Variants in LTBP1 observed in about 807,000 individuals in gnomAD.
The protein encoded by LTBP1 is latent-transforming growth factor beta-binding protein 1.
A neutral mutation model predicts 207.6 loss-of-function variants in LTBP1; 129 were observed. The ratio of observed to expected loss-of-function variants is 0.62; its 90% confidence interval spans 0.54 to 0.72. The LOEUF is 0.72. Ranked by LOEUF, LTBP1 falls within the 30% of genes least tolerant of loss-of-function variation. The pLI, the probability that LTBP1 is intolerant of heterozygous loss-of-function variation, is 0.00. For missense variants in LTBP1, 2,281 were observed against 2,217.2 expected, an observed-to-expected ratio of 1.03 and a Z score of -0.58; for synonymous variants, 963 against 833.7, an observed-to-expected ratio of 1.16 and a Z score of -2.67.
At chr2:33,167,103 A>G (rs889849721) in intron 5 of LTBP1, among the ~76,000 whole-genome samples, 41 of 152,336 alleles carry the variant, frequency 2.7e-4, no homozygotes, top group African/African-American at 9.4e-4. Flanking sequence ...TCCCTGCCTG[A>G]AATTGCATTA....
chr2:33,079,785 T>C (rs17325174), intron 3 of LTBP1, among the ~76,000 whole-genome samples: 5,969 of 152,284 alleles, frequency 0.039, 186 homozygotes, highest in Non-Finnish European at 0.065. Context: ...TTAGGAAACC[T>C]GTCTGTTTTT....
At chr2:33,161,468 C>T (rs1191929530) in intron 5 of LTBP1, among the ~76,000 whole-genome samples, 2 of 152,030 alleles carry the variant, frequency 1.3e-5, no homozygotes, top group East Asian at 1.9e-4. Context: ...GGGGTTTCAC[C>T]GTCTTGGCCA....
intron 3 of LTBP1, among the ~76,000 whole-genome samples, chr2:33,039,703 A>G (rs1306656987): frequency 6.6e-6 from 1 of 152,248 alleles, no homozygotes; most frequent in East Asian, 1.9e-4. Context: ...AGTCAATTAA[A>G]TTAAATTGAG....
intron 3 of LTBP1, among the ~76,000 whole-genome samples, chr2:33,043,518 C>T (rs1558553966): frequency 6.6e-6 from 1 of 152,042 alleles, no homozygotes; most frequent in East Asian, 1.9e-4. Flanking sequence ...ACAGGAGCCA[C>T]GTGCGCAGAC....
At chr2:33,389,396 T>G in intron 32 of LTBP1, 90 bp downstream of exon 32, 1 of 1,551,402 alleles carries the variant, frequency 6.4e-7, no homozygotes, top group Admixed American at 1.7e-5. Flanking sequence ...TTGTTAGCAA[T>G]GCAGCATTTC....
At position 33,097,067 on chromosome 2, in the gene LTBP1, A is replaced by G. The variant is rs773904505; in HGVS notation, c.864-13515A>G. Among the ~76,000 whole-genome samples the G allele has an allele frequency of 5.3e-4, 81 of 152,168 alleles. 1 individual carries two copies. The highest frequency in any genetic ancestry group is 6.3e-4 in the Non-Finnish European group (43 of 68,036). On this transcript the variant is annotated intron_variant, in intron 3 of 33. Coordinates refer to ENST00000404816, the MANE Select transcript of LTBP1 (RefSeq NM_206943.4). ...AACAATGGCTCTAGTAATTTTTTCT[A>G]TAGAATCATATATGCCTACAGGTTC...
rs116664876 is a variant in LTBP1 at position 33,073,965 on chromosome 2, A to G, written c.864-36617A>G. ...TTCAGTATTCAAGCAGGAGATGTGA[A>G]ACTACTTGGCAAATTGTAAGGTGAT... On this transcript the variant is annotated intron_variant, in intron 3 of 33. Coordinates refer to ENST00000404816, the MANE Select transcript of LTBP1 (RefSeq NM_206943.4). Among the ~76,000 whole-genome samples, 1,365 of 152,280 alleles carry G rather than the reference A, an allele frequency of 9.0e-3. 17 individuals carry two copies. The highest frequency in any genetic ancestry group is 0.032 in the African/African-American group (1,310 of 41,560).
chr2:33,021,744 G>T (rs561914960), intron 3 of LTBP1, among the ~76,000 whole-genome samples: 1 of 151,962 alleles, frequency 6.6e-6, no homozygotes. Context: ...TTGCCGTGTG[G>T]GTCCATTTTT....
At chr2:33,352,637 T>C (rs1454676921) in intron 26 of LTBP1, among the ~76,000 whole-genome samples, 1 of 152,208 alleles carries the variant, frequency 6.6e-6, no homozygotes, top group East Asian at 1.9e-4. Flanking sequence ...AGTAGCCTCC[T>C]ACCTTCTCTC....
intron 7 of LTBP1, among the ~76,000 whole-genome samples, chr2:33,208,646 C>G (rs2090059858): frequency 6.6e-6 from 1 of 152,126 alleles, no homozygotes; most frequent in Admixed American, 6.5e-5. Flanking sequence ...TAGGATTGCC[C>G]TGCCACGTAG....
At chr2:33,005,514 A>T (rs1300301454) in intron 2 of LTBP1, among the ~76,000 whole-genome samples, 1 of 151,186 alleles carries the variant, frequency 6.6e-6, no homozygotes, top group Non-Finnish European at 1.5e-5. Flanking sequence ...CTCAGGTCTT[A>T]GTATGGCACT....
Position 33,252,718 on chromosome 2 carries a change from C to T in LTBP1, c.2041C>T (p.Arg681Ter). The change falls in exon 11 of 34, where the codon CGA becomes TGA. Residue 681 changes from arginine (R) to a stop codon, truncating the protein, a stop_gained. Transcript: ENST00000404816. LOFTEE classifies it high-confidence loss of function. ...CTCGGAAGAGAAAGGGCCCTGTTACCGACTTGTCAGTTCTGGAAGACAGTG... is the reference window on the plus strand; with the variant it reads ...CTCGGAAGAGAAAGGGCCCTGTTACTGACTTGTCAGTTCTGGAAGACAGTG... ...VISEEKGPCY[R>*]LVSSGRQCMH... 1.9e-6 allele frequency: 3 copies of T among 1,613,370 alleles called. No homozygotes were observed. The highest frequency in any genetic ancestry group is 1.7e-6 in the Non-Finnish European group (2 of 1,179,544).
At chr2:33,024,482 G>A (rs1573155904) in intron 3 of LTBP1, among the ~76,000 whole-genome samples, 1 of 152,332 alleles carries the variant, frequency 6.6e-6, no homozygotes, top group South Asian at 2.1e-4. Context: ...AGCTAGTTTG[G>A]TAAAATTGTA....
chr2:33,092,005 A>T (rs1329033528), intron 3 of LTBP1, among the ~76,000 whole-genome samples: 1 of 152,174 alleles, frequency 6.6e-6, no homozygotes, highest in Non-Finnish European at 1.5e-5. Context: ...GTGACTGTGG[A>T]GAGTAGCCTT....
chr2:33,326,269 C>T (rs915214906), intron 24 of LTBP1, among the ~76,000 whole-genome samples: 28 of 152,146 alleles, frequency 1.8e-4, no homozygotes, highest in Admixed American at 2.0e-4. Flanking sequence ...AACTCCACCC[C>T]GTTTCTCCAT....
intron 3 of LTBP1, chr2:33,063,124 A>G (rs1213561021): frequency 1.3e-5 from 2 of 152,216 alleles, no homozygotes; most frequent in Admixed American, 6.5e-5. Flanking sequence ...CAAGTTGTGT[A>G]AGCCCTCAAT....
chr2:33,217,112 G>C (rs1026579093), intron 7 of LTBP1, among the ~76,000 whole-genome samples: 1 of 152,168 alleles, frequency 6.6e-6, no homozygotes, highest in African/African-American at 2.4e-5. Context: ...CTGTAGGTGG[G>C]ACCTGTGCCA....
At chr2:33,111,071 T>C (rs1291820805) in intron 4 of LTBP1, among the ~76,000 whole-genome samples, 1 of 152,220 alleles carries the variant, frequency 6.6e-6, no homozygotes, top group Non-Finnish European at 1.5e-5. Flanking sequence ...TTTACATTGA[T>C]GCAATATTTT....
rs537405470 is a variant in LTBP1, at chr2:33,051,489, G to A, written c.863+30283G>A. On this transcript the variant is annotated intron_variant, in intron 3 of 33. Transcript: ENST00000404816. ...CAATATTACTGAGTGAGGATTGCCC[G>A]AGACTTGAGAGGCAGTTAGGCAGCC... 1.1e-3 allele frequency among the ~76,000 whole-genome samples: 168 copies of A among 152,254 alleles called. 1 individual carries two copies. Among genetic ancestry groups the A allele is most frequent in the Non-Finnish European group, 2.0e-3 (138 of 68,008 alleles).
Sources: gnomAD v4.1 joint callset for allele counts (sites outside exome capture counted in the v4.1 genomes callset) on GRCh38, gnomAD v4.1.1 for gene constraint, MANE v1.5 for transcripts, NCBI Gene and HGNC (gene_info 2026-07-23, HGNC 2026-07-21) for gene names.